Variants in GPC5 observed in about 807,000 individuals in gnomAD.
GPC5 encodes glypican 5.
A neutral mutation model predicts 53.9 loss-of-function variants in GPC5; 47 were observed. The ratio of observed to expected loss-of-function variants is 0.87; its 90% CI spans 0.69 to 1.11. GPC5 has a LOEUF of 1.11. GPC5 is among the 50% of genes most tolerant of loss of function. The probability of loss-of-function intolerance (pLI) is 0.00; values close to 1 mark genes in which losing one functional copy is unlikely to be tolerated. For missense variants in GPC5, 748 were observed against 713.1 expected, an observed-to-expected ratio of 1.05 and a Z score of -0.56; for synonymous variants, 286 against 263.3, an observed-to-expected ratio of 1.09 and a Z score of -0.84.
At chr13:92,539,823 T>G (rs749036817) in intron 7 of GPC5, among the ~76,000 whole-genome samples, 1 of 151,964 alleles carries the variant, frequency 6.6e-6, no homozygotes. Context: ...GGCTTAAACA[T>G]TTTGAGAAGG....
chr13:91,475,252 G>A (rs990967504), intron 2 of GPC5, among the ~76,000 whole-genome samples: 4 of 151,864 alleles, frequency 2.6e-5, no homozygotes, highest in Admixed American at 2.0e-4. Flanking sequence ...ATCTTCCATT[G>A]GAAATAAAAA....
At chr13:92,527,259 G>T (rs1320806375) in intron 7 of GPC5, among the ~76,000 whole-genome samples, 1 of 123,028 alleles carries the variant, frequency 8.1e-6, no homozygotes, top group Non-Finnish European at 1.6e-5. Flanking sequence ...GAGAAAGAAA[G>T]AAAGAAAGAA....
chr13:91,784,527 C>A (rs1325946811), intron 5 of GPC5, among the ~76,000 whole-genome samples: 1 of 152,022 alleles, frequency 6.6e-6, no homozygotes, highest in Non-Finnish European at 1.5e-5. Flanking sequence ...AAGTTGGAGA[C>A]CAGCCTGACC....
chr13:92,676,439 T>A (rs17188606), intron 7 of GPC5, among the ~76,000 whole-genome samples: 33,618 of 152,068 alleles, frequency 0.22, 4,379 homozygotes, highest in South Asian at 0.36. Context: ...CTGATTCAGA[T>A]GAAATTTTTA....
chr13:92,243,434 T>G (rs957812111), intron 7 of GPC5, among the ~76,000 whole-genome samples: 16 of 152,132 alleles, frequency 1.1e-4, no homozygotes, highest in African/African-American at 2.4e-5. Context: ...ATTGGGAGCC[T>G]ATTGCAATAG....
intron 2 of GPC5, among the ~76,000 whole-genome samples, chr13:91,491,688 C>G (rs1883949961): frequency 1.3e-5 from 2 of 152,152 alleles, no homozygotes; most frequent in Admixed American, 1.3e-4. Context: ...CTTGCCTCTT[C>G]CAGCTTCCTC....
In GPC5 at chr13:91,745,251, G is replaced by GT. The variant is rs1200417617; in HGVS notation, c.1155-11037dup. Among the ~76,000 whole-genome samples, 3 of 152,110 alleles carry GT rather than the reference G, an allele frequency of 2.0e-5. No individual in the cohort carries two copies. In the East Asian group the frequency reaches 5.8e-4, roughly 29 times the overall value. On this transcript the variant is annotated intron_variant, in intron 4 of 7. Coordinates refer to ENST00000377067, the MANE Select transcript of GPC5 (RefSeq NM_004466.6). ...AGAGGAGGATGCTTTCAGAAAGGGT[G>GT]TTTTTTTATGGGGACATTAAGTGGT... is the stretch of plus-strand genomic sequence containing the variant.
chr13:92,249,834 C>T (rs1399425920), intron 7 of GPC5, among the ~76,000 whole-genome samples: 1 of 151,992 alleles, frequency 6.6e-6, no homozygotes, highest in Non-Finnish European at 1.5e-5. Flanking sequence ...ATTAATGACA[C>T]GTGTAGTGGA....
At chr13:92,279,262 A>G (rs1363032993) in intron 7 of GPC5, among the ~76,000 whole-genome samples, 1 of 151,894 alleles carries the variant, frequency 6.6e-6, no homozygotes, top group African/African-American at 2.4e-5. Flanking sequence ...CTTCCTATGT[A>G]TTGTTTCCGC....
At chr13:92,133,254 G>A (rs1033261632) in intron 6 of GPC5, among the ~76,000 whole-genome samples, 1 of 152,084 alleles carries the variant, frequency 6.6e-6, no homozygotes, top group African/African-American at 2.4e-5. Context: ...GGTAGCTTAA[G>A]GGAATTTCAT....
chr13:91,665,269 A>G (rs1393878714), intron 2 of GPC5, among the ~76,000 whole-genome samples: 2 of 152,176 alleles, frequency 1.3e-5, no homozygotes, highest in African/African-American at 4.8e-5. Flanking sequence ...CAATTAGGTC[A>G]TTTTATACTT....
rs531501908 is a variant in GPC5, at chr13:91,711,350, C to T, written c.1021-17182C>T. 1.7e-3 allele frequency among the ~76,000 whole-genome samples: 258 copies of T among 151,736 alleles called. 4 individuals carry two copies. Among genetic ancestry groups the T allele is most frequent in the African/African-American group, 6.1e-3 (251 of 41,338 alleles). On this transcript the variant is annotated intron_variant, in intron 3 of 7. Transcript: ENST00000377067. ...AACCATCATTCTCAGCAAACTATCA[C>T]AAGGACAGAAAACCAAACACCTCAT...
At chr13:91,490,807 GT>G (rs1472413678) in intron 2 of GPC5, among the ~76,000 whole-genome samples, 1 of 152,054 alleles carries the variant, frequency 6.6e-6, no homozygotes, top group Non-Finnish European at 1.5e-5. Flanking sequence ...GCTTCTTCTT[GT>G]TTCTTCTTTT....
chr13:92,122,847 T>C (rs2041662231), intron 6 of GPC5, among the ~76,000 whole-genome samples: 1 of 151,082 alleles, frequency 6.6e-6, no homozygotes, highest in Non-Finnish European at 1.5e-5. Flanking sequence ...CTCTTCAGAA[T>C]GGTTAAAATA....
intron 7 of GPC5, among the ~76,000 whole-genome samples, chr13:92,762,006 T>A (rs963761600): frequency 6.6e-6 from 1 of 151,792 alleles, no homozygotes; most frequent in Admixed American, 6.6e-5. Flanking sequence ...CCACTGGATG[T>A]GCCTTAGAAG....
intron 7 of GPC5, among the ~76,000 whole-genome samples, chr13:92,503,564 T>TA (rs1880263759): frequency 6.6e-6 from 1 of 151,486 alleles, no homozygotes; most frequent in African/African-American, 2.4e-5. Flanking sequence ...ATACCCTCTT[T>TA]AAAAAAAACC....
At chr13:92,144,459 A>G (rs1237437861) in intron 6 of GPC5, among the ~76,000 whole-genome samples, 1 of 152,204 alleles carries the variant, frequency 6.6e-6, no homozygotes, top group Non-Finnish European at 1.5e-5. Context: ...GCACAAAATT[A>G]TCAGCCAATA....
intron 7 of GPC5, among the ~76,000 whole-genome samples, chr13:92,577,418 ATGTGTGTG>A (rs56162097): frequency 1.4e-5 from 2 of 145,442 alleles, no homozygotes; most frequent in Non-Finnish European, 3.0e-5. Flanking sequence ...ATGTATGTAT[ATGTGTGTG>A]TGTGTGTGTG....
At chr13:92,224,989 T>C (rs1368281955) in intron 7 of GPC5, among the ~76,000 whole-genome samples, 10 of 152,186 alleles carry the variant, frequency 6.6e-5, no homozygotes, top group Admixed American at 5.2e-4. Flanking sequence ...TTGGGACCCA[T>C]GGCACAGCAC....
Sources: allele counts gnomAD v4.1 joint callset (sites outside exome capture counted in the v4.1 genomes callset), GRCh38; gene constraint gnomAD v4.1.1; transcripts MANE v1.5; gene names NCBI Gene and HGNC (gene_info 2026-07-23, HGNC 2026-07-21).